The following RRBP1 variants were observed in gnomAD, a reference collection of about 807,000 sequenced individuals.
The protein encoded by RRBP1 is ribosome-binding protein 1.
A neutral mutation model predicts 165.2 loss-of-function variants in RRBP1; 94 were observed. That is an observed-to-expected ratio of 0.57 (90% confidence interval 0.48 to 0.68). The LOEUF is 0.68. Ranked by LOEUF, RRBP1 falls within the 30% of genes least tolerant of loss-of-function variation. The pLI is 0.00. For missense variants in RRBP1, 1,676 were observed against 1,763.0 expected, an observed-to-expected ratio of 0.95 and a Z score of 0.88; for synonymous variants, 680 against 714.5, an observed-to-expected ratio of 0.95 and a Z score of 0.77.
chr20:17,624,747 GC>G (rs2122277237), intron 12 of RRBP1, 79 bp from the exon 13 acceptor site: 2 of 1,038,962 alleles, frequency 1.9e-6, no homozygotes, highest in African/African-American at 1.6e-5. Flanking sequence ...ACAGGACAGG[GC>G]CCAGAGACCC....
At position 17,643,076 on chromosome 20, in the gene RRBP1, G is replaced by A. The variant is rs141803882; in HGVS notation, c.1964C>T (p.Ser655Phe). Reference sequence around the variant, plus strand: ...GTTGAACACCATGCTCCCAACCGTGGAGACCAGCGTCTTGTAGGGGAGGTA... The same window carrying A: ...GTTGAACACCATGCTCCCAACCGTGAAGACCAGCGTCTTGTAGGGGAGGTA... The part of the protein sequence containing the change: ...PLYLPYKTLV[S>F]TVGSMVFNEG... The change falls in exon 4 of 25, where the codon TCC (serine) becomes TTC (phenylalanine). Residue 655 changes from serine (S) to phenylalanine (F), a missense_variant. Coordinates refer to ENST00000377813, the MANE Select transcript of RRBP1 (RefSeq NM_001365613.2). The surrounding 1 kb of genome is among the most constrained non-coding windows in gnomAD (Gnocchi z 4.3). The A allele has an allele frequency of 1.2e-4, 186 of 1,614,032 alleles. No homozygotes were observed. The highest frequency in any genetic ancestry group is 1.4e-4 in the Non-Finnish European group (168 of 1,180,042).
intron 5 of RRBP1, among the ~76,000 whole-genome samples, chr20:17,638,167 C>A (rs890141799): frequency 7.2e-5 from 11 of 152,234 alleles, no homozygotes; most frequent in African/African-American, 2.7e-4. Context: ...CTCTAACACA[C>A]GTGGCCCCAC....
intron 2 of RRBP1, among the ~76,000 whole-genome samples, chr20:17,663,387 C>T (rs1448613123): frequency 6.6e-6 from 1 of 152,196 alleles, no homozygotes; most frequent in Non-Finnish European, 1.5e-5. Context: ...AAAACAAACT[C>T]GGGAGAATAT....
At chr20:17,625,385 A>G in intron 12 of RRBP1, 127 bp downstream of exon 12, 2 of 784,024 alleles carry the variant, frequency 2.6e-6, no homozygotes, top group Non-Finnish European at 4.2e-6. Flanking sequence ...CCACAGCACA[A>G]TGGGGTGTAG....
rs1234733566 is a variant in RRBP1 at position 17,620,529 on chromosome 20, T to C, written c.3508-159A>G. 11 of 826,222 alleles carry C rather than the reference T, an allele frequency of 1.3e-5. No individual in the cohort carries two copies. In the East Asian group the frequency reaches 2.6e-4, roughly 19 times the overall value. The allele number at this position is 826,222 out of a possible 1,614,324, so 51.2% of individuals were successfully genotyped here. A position where few individuals can be genotyped will look rare whatever the true frequency, so the allele number is the denominator to read the frequency against. ...GTCACCCTGGCGCCATCTGGCAGTG[T>C]CTTCCTAGGCGGGGGCCTCCTGGAG... On this transcript the variant is annotated intron_variant, in intron 17 of 24. Transcript: ENST00000377813.
intron 12 of RRBP1, among the ~76,000 whole-genome samples, chr20:17,624,931 G>A (rs2035988002): frequency 6.6e-6 from 1 of 152,212 alleles, no homozygotes; most frequent in Admixed American, 6.5e-5. Context: ...TAGCCAAAGG[G>A]AGGAGGGAGG....
intron 2 of RRBP1, among the ~76,000 whole-genome samples, chr20:17,675,470 G>C (rs1218472110): frequency 6.6e-6 from 1 of 151,906 alleles, no homozygotes; most frequent in African/African-American, 2.4e-5. Flanking sequence ...CGCTTCAGAG[G>C]GGGAGATGAC....
In RRBP1 at chr20:17,619,830, C is replaced by T. The variant is rs1054058823; in HGVS notation, c.3580-102G>A. The stretch of plus-strand genomic sequence containing the variant: ...TGGCCCTGGGATAGGTGAGGCCTCT[C>T]GGGAGATCCCTGAGGCCCACCAGCT... On this transcript the variant is annotated intron_variant, in intron 18 of 24. Transcript: ENST00000377813. 8.2e-5 allele frequency: 61 copies of T among 744,024 alleles called. No individual in the cohort carries two copies. In the Admixed American group the frequency reaches 1.5e-3, roughly 18 times the overall value. 46.1% of individuals were successfully genotyped at this position (744,024 alleles called of 1,614,324 possible). A position where few individuals can be genotyped will look rare whatever the true frequency, so the allele number is the denominator to read the frequency against.
chr20:17,669,973 G>A (rs1477445881), intron 2 of RRBP1, among the ~76,000 whole-genome samples: 1 of 152,186 alleles, frequency 6.6e-6, no homozygotes, highest in Non-Finnish European at 1.5e-5. Context: ...CAGTGCTAAA[G>A]AGAAGGAATG....
chr20:17,636,290 G>A (rs895148732), intron 6 of RRBP1, among the ~76,000 whole-genome samples: 1 of 152,252 alleles, frequency 6.6e-6, no homozygotes, highest in Non-Finnish European at 1.5e-5. Context: ...AGGAGGCAGG[G>A]AAACAGGGCT....
Position 17,660,226 on chromosome 20 carries a change from G to T in RRBP1, c.282C>A (p.Val94=). 1 of 1,613,248 alleles carries T rather than the reference G, an allele frequency of 6.2e-7. No homozygotes were observed. Among genetic ancestry groups the T allele is most frequent in the Non-Finnish European group, 8.5e-7 (1 of 1,179,550 alleles). Residue 94 remains valine, a synonymous_variant, in exon 3 of 25, where the codon GTC becomes GTA. Coordinates refer to ENST00000377813, the MANE Select transcript of RRBP1 (RefSeq NM_001365613.2). The stretch of plus-strand genomic sequence containing the variant: ...GAGCCCGCACTGGTTCTCGAAGGAG[G>T]ACAGTCACATTGGGGGCTGGATCAT... ...PDHDPAPNVT[V]LLREPVRAPA...
At chr20:17,637,804 G>T (rs2036275482) in intron 5 of RRBP1, among the ~76,000 whole-genome samples, 1 of 152,218 alleles carries the variant, frequency 6.6e-6, no homozygotes, top group South Asian at 2.1e-4. Context: ...TCTGCCCGGG[G>T]TGAGAGGCCC....
At chr20:17,617,109 C>A (rs1053678356) in intron 20 of RRBP1, among the ~76,000 whole-genome samples, 2 of 152,330 alleles carry the variant, frequency 1.3e-5, no homozygotes, top group Admixed American at 1.3e-4. Context: ...GTGAGGTGAC[C>A]CCTGATGGGC....
At chr20:17,621,136 G>A (rs2035905380) in intron 16 of RRBP1, among the ~76,000 whole-genome samples, 1 of 152,220 alleles carries the variant, frequency 6.6e-6, no homozygotes, top group Non-Finnish European at 1.5e-5. Context: ...GCTGGCCAGA[G>A]AGTGGCAGGG....
chr20:17,635,596 G>A lies in RRBP1; in HGVS notation c.2406C>T (p.Asn802=), dbSNP rs769456285. The A allele has an allele frequency of 6.2e-7, 1 of 1,613,394 alleles. No homozygotes were observed. Residue 802 remains asparagine (N), a synonymous_variant, in exon 7 of 25, where the codon AAC becomes AAT. Transcript: ENST00000377813. ...GGTTCAAGGCATCCCGCAGGATGGA[G>A]TTCTCCTGCTGCAGGCGGGCCAGCT... ...NTQLARLQQE[N]SILRDALNQA... is the part of the protein sequence containing the mutation.
Position 17,648,052 on chromosome 20 carries a change from C to A in RRBP1, c.1913-4925G>T, listed in dbSNP as rs1400709778. On this transcript the variant is annotated intron_variant, in intron 3 of 24. Coordinates refer to ENST00000377813, the MANE Select transcript of RRBP1 (RefSeq NM_001365613.2). The stretch of plus-strand genomic sequence containing the variant: ...GCAAGCAGTCATCAGCCTCTGCAGA[C>A]CAAGATTCAGAGGCTGAGGACAAGC... Among the ~76,000 whole-genome samples, 7 of 152,332 alleles carry A rather than the reference C, an allele frequency of 4.6e-5. No individual in the cohort carries two copies. The South Asian group carries it at 6.2e-4, about 14-fold the overall frequency.
At chr20:17,657,763 TA>T (rs2036671321) in intron 3 of RRBP1, among the ~76,000 whole-genome samples, 1 of 152,192 alleles carries the variant, frequency 6.6e-6, no homozygotes, top group Admixed American at 6.5e-5. Context: ...TATGATCACA[TA>T]TATATCTATG....
intron 17 of RRBP1, 73 bp from the exon 18 acceptor site, chr20:17,620,443 C>A: frequency 7.3e-7 from 1 of 1,377,944 alleles, no homozygotes; most frequent in Non-Finnish European, 1.0e-6. Flanking sequence ...ATGCTAGGAC[C>A]CGAGCGGGAC....
intron 4 of RRBP1, among the ~76,000 whole-genome samples, 162 bp from the exon 5 acceptor site, chr20:17,642,081 C>T (rs2036374007): frequency 6.6e-6 from 1 of 152,254 alleles, no homozygotes; most frequent in African/African-American, 2.4e-5. Flanking sequence ...AAAGGCGGCC[C>T]CGCCTCAGCC....
Sources: allele counts gnomAD v4.1 joint callset (sites outside exome capture counted in the v4.1 genomes callset), GRCh38; gene constraint gnomAD v4.1.1; non-coding constraint Gnocchi (gnomAD v3.1); transcripts MANE v1.5; gene names NCBI Gene and HGNC (gene_info 2026-07-23, HGNC 2026-07-21).